The following NPFFR2 variants were observed in gnomAD, a reference collection of about 807,000 sequenced individuals.
NPFFR2 encodes neuropeptide FF receptor 2.
A neutral mutation model predicts 13.1 loss-of-function variants in NPFFR2; 15 were observed. That is an observed-to-expected ratio of 1.15 (90% CI 0.77 to 1.76). The LOEUF (loss-of-function observed/expected upper bound fraction) is 1.76, where lower values mean the gene tolerates loss of function less well. NPFFR2 is among the 40% of genes most tolerant of loss of function. The pLI is 0.00. For synonymous variants in NPFFR2, 190 were observed against 175.7 expected (o/e 1.08, Z -0.65); for missense variants, 572 against 503.5 (o/e 1.14, Z -1.30).
At chr4:72,140,300 T>C (rs1019071060) in intron 3 of NPFFR2, among the ~76,000 whole-genome samples, 2 of 152,200 alleles carry the variant, frequency 1.3e-5, no homozygotes, top group African/African-American at 4.8e-5. Context: ...CTATGTTGAA[T>C]AGGAGTGGTG....
At chr4:72,118,335 G>A (rs1463011389) in intron 1 of NPFFR2, among the ~76,000 whole-genome samples, 3 of 152,134 alleles carry the variant, frequency 2.0e-5, no homozygotes, top group African/African-American at 7.2e-5. Context: ...CATATGGTAA[G>A]CATACAATAA....
At chr4:72,115,470 G>A (rs1294190663) in intron 1 of NPFFR2, among the ~76,000 whole-genome samples, 1 of 152,124 alleles carries the variant, frequency 6.6e-6, no homozygotes, top group Non-Finnish European at 1.5e-5. Flanking sequence ...GGGAATAACT[G>A]CGTCTAAACA....
At chr4:72,103,677 C>G (rs948552418) in intron 1 of NPFFR2, among the ~76,000 whole-genome samples, 40 of 151,904 alleles carry the variant, frequency 2.6e-4, no homozygotes, top group African/African-American at 9.4e-4. Context: ...AATAAACTTT[C>G]CTTTATGGAA....
intron 3 of NPFFR2, among the ~76,000 whole-genome samples, chr4:72,142,447 A>G (rs915962633): frequency 2.0e-5 from 3 of 152,036 alleles, no homozygotes; most frequent in Non-Finnish European, 1.5e-5. Context: ...CCACTGTCCA[A>G]CCAGTCCCAG....
In NPFFR2 at chr4:72,147,105, G is replaced by A. The variant is rs1242228909; in HGVS notation, c.556G>A (p.Glu186Lys). ...ATCTGCAGTAATGTTACATGTGCAAGAAGAAAAATATTACCGAGTGAGACT... is the reference window on the plus strand; with the variant it reads ...ATCTGCAGTAATGTTACATGTGCAAAAAGAAAAATATTACCGAGTGAGACT... ...SPSAVMLHVQ[E>K]EKYYRVRLNS... is the part of the protein sequence containing the mutation. The change falls in exon 4 of 4, where the codon GAA becomes AAA. Residue 186 changes from glutamate (E) to lysine (K), a missense_variant. Glu to Lys is a moderately conservative substitution (Grantham distance 56). Transcript: ENST00000308744. 2.0e-5 allele frequency: 32 copies of A among 1,614,104 alleles called. No individual in the cohort carries two copies. The highest frequency in any genetic ancestry group is 2.5e-5 in the Non-Finnish European group (30 of 1,180,026).
At chr4:72,063,100 T>G (rs4276256) in intron 1 of NPFFR2, among the ~76,000 whole-genome samples, 135,719 of 152,216 alleles carry the variant, frequency 0.89, 61,608 homozygotes, top group Non-Finnish European at 0.98. Flanking sequence ...AGCAATGTTA[T>G]AATAGTAGCA....
rs1219152451 is a variant in NPFFR2, at chr4:72,068,359, G to C, written c.-8+36159G>C. Among the ~76,000 whole-genome samples, 3 of 152,158 alleles carry C rather than the reference G, an allele frequency of 2.0e-5. No homozygotes were observed. The East Asian group carries it at 5.8e-4, about 29-fold the overall frequency. On this transcript the variant is annotated intron_variant, in intron 1 of 3. Coordinates refer to ENST00000308744, the MANE Select transcript of NPFFR2 (RefSeq NM_004885.3). ...TCCTAAGATGGCAGAAGGCATATGG[G>C]CAAGAGGGCCAAACACTGAGTAAAG...
In NPFFR2 at chr4:72,076,006, C is replaced by CACACAG. The variant is rs746237728; in HGVS notation, c.-8+43807_-8+43808insCACAGA. Reference sequence around the variant, plus strand: ...ACACACACACACACACACACACACACAGAGAGAGAGAGAGGGCAGACAGCA... The same window carrying CACACAG: ...ACACACACACACACACACACACACACACACAGAGAGAGAGAGAGAGGGCAGACAGCA... On this transcript the variant is annotated intron_variant, in intron 1 of 3. Coordinates refer to ENST00000308744, the MANE Select transcript of NPFFR2 (RefSeq NM_004885.3). 0.04 allele frequency among the ~76,000 whole-genome samples: 4,944 copies of CACACAG among 122,634 alleles called. 518 individuals carry two copies. The East Asian group carries it at 0.43, about 11-fold the overall frequency. The allele number at this position is 122,634 out of a possible 152,430, so 80.5% of individuals were successfully genotyped here.
At chr4:72,068,885 A>G in intron 1 of NPFFR2, 1 of 626,536 alleles carries the variant, frequency 1.6e-6, no homozygotes, top group South Asian at 2.4e-5. Flanking sequence ...GGCTCTAGAC[A>G]CATATGGTTT....
chr4:72,086,280 G>A (rs1720768122), intron 1 of NPFFR2, among the ~76,000 whole-genome samples: 1 of 152,080 alleles, frequency 6.6e-6, no homozygotes, highest in African/African-American at 2.4e-5. Context: ...TTGTTTTGCA[G>A]TGTGGTAATG....
At chr4:72,049,780 ACT>A in intron 1 of NPFFR2, among the ~76,000 whole-genome samples, 1 of 151,044 alleles carries the variant, frequency 6.6e-6, no homozygotes, top group Admixed American at 6.6e-5. Flanking sequence ...ACCTCCTGAA[ACT>A]CTTGTAAGTG....
chr4:72,140,014 T>C (rs968124166), intron 3 of NPFFR2, among the ~76,000 whole-genome samples: 2 of 152,098 alleles, frequency 1.3e-5, no homozygotes, highest in Admixed American at 6.6e-5. Context: ...ATTCTCTTTG[T>C]AGCAATTGTG....
intron 1 of NPFFR2, among the ~76,000 whole-genome samples, chr4:72,099,610 G>A (rs1173356145): frequency 2.0e-5 from 3 of 151,948 alleles, no homozygotes; most frequent in East Asian, 1.9e-4. Context: ...CTTTTGAACA[G>A]CTCGATCTCA....
intron 1 of NPFFR2, among the ~76,000 whole-genome samples, chr4:72,095,096 T>C (rs1721025246): frequency 6.6e-6 from 1 of 152,240 alleles, no homozygotes; most frequent in African/African-American, 2.4e-5. Context: ...TTTTCGTTAA[T>C]GAATTTTTTT....
At chr4:72,065,185 C>A (rs1038978265) in intron 1 of NPFFR2, among the ~76,000 whole-genome samples, 1 of 151,280 alleles carries the variant, frequency 6.6e-6, no homozygotes, top group Non-Finnish European at 1.5e-5. Flanking sequence ...TAAAAAACTT[C>A]ATTAAAAATT....
chr4:72,079,048 AACT>A (rs1344266403), intron 1 of NPFFR2, among the ~76,000 whole-genome samples: 1 of 128,240 alleles, frequency 7.8e-6, no homozygotes, highest in East Asian at 2.1e-4. Flanking sequence ...AAATGCATAG[AACT>A]AAACACACAC....
intron 1 of NPFFR2, among the ~76,000 whole-genome samples, chr4:72,059,862 C>T (rs756281492): frequency 3.3e-5 from 5 of 152,120 alleles, no homozygotes; most frequent in Non-Finnish European, 7.4e-5. Context: ...TCCGCTATAA[C>T]TTGTGGCCCA....
intron 1 of NPFFR2, among the ~76,000 whole-genome samples, chr4:72,124,496 GTAC>G (rs143732002): frequency 0.07 from 10,621 of 151,948 alleles, 1,114 homozygotes; most frequent in African/African-American, 0.23. Flanking sequence ...ACTTCAAACT[GTAC>G]TACAAGGCTA....
intron 1 of NPFFR2, among the ~76,000 whole-genome samples, chr4:72,075,280 C>T (rs1392019947): frequency 6.6e-6 from 1 of 152,164 alleles, no homozygotes; most frequent in Non-Finnish European, 1.5e-5. Context: ...GGAAGTCAAA[C>T]TGGCTCTCCT....
Sources: allele counts gnomAD v4.1 joint callset (sites outside exome capture counted in the v4.1 genomes callset), GRCh38; gene constraint gnomAD v4.1.1; transcripts MANE v1.5; gene names NCBI Gene and HGNC (gene_info 2026-07-23, HGNC 2026-07-21).